The following BMF variants were observed in gnomAD, a reference collection of about 807,000 sequenced individuals.
The protein encoded by BMF is bcl-2-modifying factor.
BMF carries 10 observed loss-of-function variants against 22.0 expected under a neutral mutation model. That is an observed-to-expected ratio of 0.45 (90% CI 0.28 to 0.77). The LOEUF is 0.77. Among genes scored for constraint, BMF ranks in the 30% least tolerant of loss-of-function variants. The pLI is 0.13. For missense variants in BMF, 206 were observed against 226.8 expected (o/e 0.91, Z 0.59); for synonymous variants, 87 against 88.1 (o/e 0.99, Z 0.07).
rs1279151748 is a variant in BMF at position 40,088,242 on chromosome 15, G to C, written c.*3545C>G. ...GGGCTCTGAGCACCTTTAGCTGGGA[G>C]GCTGGCTGGGCACCTATGAGCTCAG... On this transcript the variant is annotated 3_prime_UTR_variant, in exon 5 of 5. Transcript: ENST00000354670. 6.6e-6 allele frequency: 1 copy of C among 152,632 alleles called. No individual in the cohort carries two copies. The highest frequency in any genetic ancestry group is 1.9e-4 in the East Asian group (1 of 5,190). 9.5% of individuals were successfully genotyped at this position (152,632 alleles called of 1,614,324 possible). A position where few individuals can be genotyped will look rare whatever the true frequency, so the allele number is the denominator to read the frequency against.
chr15:40,092,567 C>T (rs80056127), intron 4 of BMF, among the ~76,000 whole-genome samples: 1,533 of 152,316 alleles, frequency 0.01, 34 homozygotes, highest in African/African-American at 0.032. Flanking sequence ...CATAAATAAT[C>T]CCTCTTGGAG....
rs981300484 is a variant in BMF, at chr15:40,089,131, C to A, written c.*2656G>T. ...CAGGATCCAGGTCAGACTCTCCCTC[C>A]CTCTAAATCTGATTCTCCACCCCTC... On this transcript the variant is annotated 3_prime_UTR_variant, in exon 5 of 5. Transcript: ENST00000354670. The A allele has an allele frequency of 1.3e-5, 2 of 152,556 alleles. No homozygotes were observed. Among genetic ancestry groups the A allele is most frequent in the African/African-American group, 4.8e-5 (2 of 41,368 alleles). The allele number at this position is 152,556 out of a possible 1,614,324, so 9.5% of individuals were successfully genotyped here.
chr15:40,105,356 CAG>C (rs1481557077), intron 3 of BMF, among the ~76,000 whole-genome samples: 1 of 152,220 alleles, frequency 6.6e-6, no homozygotes, highest in Non-Finnish European at 1.5e-5. Context: ...CTTTCACACA[CAG>C]AAAGTCCCAT....
chr15:40,096,963 A>G (rs1260148439), intron 4 of BMF, among the ~76,000 whole-genome samples: 1 of 152,230 alleles, frequency 6.6e-6, no homozygotes, highest in African/African-American at 2.4e-5. Context: ...CTCTAGGGGA[A>G]GGTGCACAGT....
chr15:40,105,010 G>T lies in BMF; in HGVS notation c.293-670C>A, dbSNP rs559649849. On this transcript the variant is annotated intron_variant, in intron 3 of 4. Transcript: ENST00000354670. ...CTCCTCGCTCCTTTCCCTCTTCCCC[G>T]CCTGCCCGCCTTATCCAACTTCTCA... Among the ~76,000 whole-genome samples the T allele has an allele frequency of 2.0e-5, 3 of 152,222 alleles. No homozygotes were observed. In the East Asian group the frequency reaches 5.8e-4, roughly 29 times the overall value.
rs139019487 is a variant in BMF, at chr15:40,091,805, G to A, written c.537C>T (p.Asn179=). 399 of 1,608,558 alleles carry A rather than the reference G, an allele frequency of 2.5e-4. No individual in the cohort carries two copies. The African/African-American group carries it at 4.0e-3, about 16-fold the overall frequency. Residue 179 remains asparagine, a synonymous_variant, in exon 5 of 5, where the codon AAC becomes AAT. Transcript: ENST00000354670. Reference sequence around the variant, plus strand: ...CCCACCCTCACCTAGGGCCTGCCCCGTTCCTGTTCTCTTCTCCATTCAAAG... The same window carrying A: ...CCCACCCTCACCTAGGGCCTGCCCCATTCCTGTTCTCTTCTCCATTCAAAG... ...NLALNGEENR[N]GAGPR
In BMF at chr15:40,106,226, C is replaced by T; in HGVS notation, c.-5-135G>A. 1 of 989,930 alleles carries T rather than the reference C, an allele frequency of 1.0e-6. No individual in the cohort carries two copies. The highest frequency in any genetic ancestry group is 1.4e-6 in the Non-Finnish European group (1 of 696,250). The allele number at this position is 989,930 out of a possible 1,614,324, so 61.3% of individuals were successfully genotyped here. On this transcript the variant is annotated intron_variant, in intron 2 of 4. Coordinates refer to ENST00000354670, the MANE Select transcript of BMF (RefSeq NM_001003940.2). The surrounding 1 kb of genome is among the most constrained non-coding windows in gnomAD (Gnocchi z 4.1). ...CGGACCACATACTGATGACATACAA[C>T]CCTGGTAATAAAGCACTGCTAAGGG...
At position 40,106,319 on chromosome 15, in the gene BMF, C is replaced by T. The variant is rs1427365725; in HGVS notation, c.-5-228G>A. 2 of 442,782 alleles carry T rather than the reference C, an allele frequency of 4.5e-6. No homozygotes were observed. Among genetic ancestry groups the T allele is most frequent in the Non-Finnish European group, 7.8e-6 (2 of 254,980 alleles). The allele number at this position is 442,782 out of a possible 1,614,324, so 27.4% of individuals were successfully genotyped here. ...GCTCTCCACACCTCTTCCCTGGGCC[C>T]GCCTGGAACCACCCTTTTTCTTGAT... On this transcript the variant is annotated intron_variant, in intron 2 of 4. Transcript: ENST00000354670. The surrounding 1 kb of genome is among the most constrained non-coding windows in gnomAD (Gnocchi z 4.1).
intron 4 of BMF, among the ~76,000 whole-genome samples, chr15:40,103,097 C>T (rs890232178): frequency 1.3e-5 from 2 of 152,206 alleles, no homozygotes; most frequent in Admixed American, 1.3e-4. Flanking sequence ...TGGTTTGACC[C>T]TTAAGTCAAC....
In BMF at chr15:40,106,230, G is replaced by A; in HGVS notation, c.-5-139C>T. On this transcript the variant is annotated intron_variant, in intron 2 of 4. Coordinates refer to ENST00000354670, the MANE Select transcript of BMF (RefSeq NM_001003940.2). This position sits in a 1 kb window ranked among gnomAD's most constrained non-coding sequence, Gnocchi z 4.1. ...CCACATACTGATGACATACAACCCT[G>A]GTAATAAAGCACTGCTAAGGGTGAC... 1 of 957,988 alleles carries A rather than the reference G, an allele frequency of 1.0e-6. No homozygotes were observed. Among genetic ancestry groups the A allele is most frequent in the Non-Finnish European group, 1.5e-6 (1 of 668,924 alleles). The allele number at this position is 957,988 out of a possible 1,614,324, so 59.3% of individuals were successfully genotyped here.
At chr15:40,096,929 C>T (rs1286675076) in intron 4 of BMF, among the ~76,000 whole-genome samples, 1 of 152,204 alleles carries the variant, frequency 6.6e-6, no homozygotes, top group Non-Finnish European at 1.5e-5. Flanking sequence ...CACTCAATCT[C>T]TTCAAAATGC....
intron 2 of BMF, among the ~76,000 whole-genome samples, chr15:40,107,079 C>T (rs927397729): frequency 2.6e-5 from 4 of 152,156 alleles, no homozygotes; most frequent in African/African-American, 9.7e-5. Flanking sequence ...CCTCTTGCTC[C>T]ACCTGATGGC....
chr15:40,093,227 C>T, intron 4 of BMF, among the ~76,000 whole-genome samples: 1 of 152,348 alleles, frequency 6.6e-6, no homozygotes, highest in Middle Eastern at 3.4e-3. Context: ...AAAAGAGAGG[C>T]ATCCAGGCAG....
At chr15:40,103,562 A>C (rs1255735632) in intron 4 of BMF, among the ~76,000 whole-genome samples, 1 of 152,236 alleles carries the variant, frequency 6.6e-6, no homozygotes, top group Non-Finnish European at 1.5e-5. Context: ...GGCTGGTGCC[A>C]GGCTGCCGGC....
At chr15:40,097,540 A>C (rs1475996878) in intron 4 of BMF, among the ~76,000 whole-genome samples, 3 of 152,148 alleles carry the variant, frequency 2.0e-5, no homozygotes, top group Non-Finnish European at 4.4e-5. Flanking sequence ...GGGCGATTGG[A>C]CCATGGTTCC....
intron 3 of BMF, 60 bp from the exon 4 acceptor site, chr15:40,104,400 C>T: frequency 6.3e-7 from 1 of 1,586,186 alleles, no homozygotes; most frequent in Non-Finnish European, 8.6e-7. Flanking sequence ...CCTCCCTACG[C>T]CTGCCTGACC....
Position 40,090,517 on chromosome 15 carries a change from T to G in BMF, c.*1270A>C, listed in dbSNP as rs943119774. 2.0e-5 allele frequency: 3 copies of G among 152,652 alleles called. No individual in the cohort carries two copies. Among genetic ancestry groups the G allele is most frequent in the Non-Finnish European group, 4.4e-5 (3 of 68,050 alleles). 9.5% of individuals were successfully genotyped at this position (152,652 alleles called of 1,614,324 possible). On this transcript the variant is annotated 3_prime_UTR_variant, in exon 5 of 5. Transcript: ENST00000354670. The stretch of plus-strand genomic sequence containing the variant: ...CACCGGCTGCTTTAGATCCTCTCCA[T>G]AAGTGCCGCAGCAGGGAGAGAAGGG...
chr15:40,106,131 C>T lies in BMF; in HGVS notation c.-5-40G>A. 6.5e-7 allele frequency: 1 copy of T among 1,539,520 alleles called. No homozygotes were observed. Among genetic ancestry groups the T allele is most frequent in the Non-Finnish European group, 8.7e-7 (1 of 1,144,568 alleles). On this transcript the variant is annotated intron_variant, in intron 2 of 4. Transcript: ENST00000354670. The surrounding 1 kb of genome is among the most constrained non-coding windows in gnomAD (Gnocchi z 4.1). ...CGCAGGCATCTGGGCTGCTGCCCCA[C>T]CAGGGCCATACCTGGAAGGACTCCC...
At chr15:40,098,176 G>A (rs772916602) in intron 4 of BMF, among the ~76,000 whole-genome samples, 6 of 152,216 alleles carry the variant, frequency 3.9e-5, no homozygotes, top group Non-Finnish European at 8.8e-5. Context: ...AGAGCAGTCC[G>A]AAGCCAGCCA....
Sources: gnomAD v4.1 joint callset for allele counts (sites outside exome capture counted in the v4.1 genomes callset) on GRCh38, gnomAD v4.1.1 for gene constraint, Gnocchi (gnomAD v3.1) non-coding constraint, MANE v1.5 for transcripts, NCBI Gene and HGNC (gene_info 2026-07-23, HGNC 2026-07-21) for gene names.